GET3: variants seen among roughly 807,000 people sequenced by gnomAD.
GET3 encodes the protein guided entry of tail-anchored proteins factor 3, ATPase.
GET3 carries 15 observed loss-of-function variants against 32.4 expected under a neutral mutation model. That is an observed-to-expected ratio of 0.46 (90% confidence interval 0.31 to 0.71). The LOEUF (loss-of-function observed/expected upper bound fraction) is 0.71. Among genes scored for constraint, GET3 ranks in the 30% least tolerant of loss-of-function variants. The probability of loss-of-function intolerance (pLI) is 0.05; values close to 1 mark genes in which losing one functional copy is unlikely to be tolerated. For missense variants in GET3, 333 were observed against 459.0 expected, an observed-to-expected ratio of 0.73 and a Z score of 2.51; for synonymous variants, 198 against 185.6, an observed-to-expected ratio of 1.07 and a Z score of -0.54.
At chr19:12,740,320 G>A (rs1350728593) in intron 2 of GET3, among the ~76,000 whole-genome samples, 4 of 152,128 alleles carry the variant, frequency 2.6e-5, no homozygotes, top group African/African-American at 7.2e-5. Flanking sequence ...GGCGGAGCTT[G>A]CAGTGAGCTG....
Position 12,747,112 on chromosome 19 carries a change from G to T in GET3, c.610-85G>T. 9.0e-7 allele frequency: 1 copy of T among 1,108,738 alleles called. No individual in the cohort carries two copies. The highest frequency in any genetic ancestry group is 1.5e-5 in the South Asian group (1 of 65,636). 68.7% of individuals were successfully genotyped at this position (1,108,738 alleles called of 1,614,324 possible). On this transcript the variant is annotated intron_variant, in intron 4 of 6. Transcript: ENST00000357332. This position sits in a 1 kb window ranked among gnomAD's most constrained non-coding sequence, Gnocchi z 4.0. Reference sequence around the variant, plus strand: ...GCCTTTAACCACTGGGAGGTATCAGGAGTCATCCCTCGGGTGTTTAGTGAA... The same window carrying T: ...GCCTTTAACCACTGGGAGGTATCAGTAGTCATCCCTCGGGTGTTTAGTGAA...
intron 2 of GET3, among the ~76,000 whole-genome samples, chr19:12,742,622 A>T (rs542112035): frequency 2.0e-5 from 3 of 151,596 alleles, no homozygotes; most frequent in Non-Finnish European, 4.4e-5. Context: ...CACCATGTTA[A>T]CCAGGATGGT....
At chr19:12,737,148 G>A (rs1333510069), upstream of GET3, 1 of 176,904 alleles carries the variant, frequency 5.7e-6, no homozygotes, top group East Asian at 1.5e-4. Flanking sequence ...TGTTTGGCTG[G>A]TTGCTAAGGT....
chr19:12,739,831 G>C (rs1410878116), intron 2 of GET3, among the ~76,000 whole-genome samples: 1 of 151,788 alleles, frequency 6.6e-6, no homozygotes, highest in African/African-American at 2.4e-5. Context: ...ATCACTTGAG[G>C]TCAAGAGTTT....
In GET3 at chr19:12,747,776, C is replaced by T. The variant is rs1967802076; in HGVS notation, c.915+184C>T. The stretch of plus-strand genomic sequence containing the variant: ...CTGGCCTGGCCTAGGTCCCTGTGAC[C>T]CTGGAGAGCAGGGGGTCTAGCCCAG... On this transcript the variant is annotated intron_variant, in intron 6 of 6. Coordinates refer to ENST00000357332, the MANE Select transcript of GET3 (RefSeq NM_004317.4). The surrounding 1 kb of genome is among the most constrained non-coding windows in gnomAD (Gnocchi z 4.0). Among the ~76,000 whole-genome samples the T allele has an allele frequency of 6.6e-6, 1 of 152,128 alleles. No homozygotes were observed. The highest frequency in any genetic ancestry group is 2.4e-5 in the African/African-American group (1 of 41,402).
At position 12,747,903 on chromosome 19, in the gene GET3, A is replaced by G. The variant is rs931936834; in HGVS notation, c.916-70A>G. 56 of 1,471,174 alleles carry G rather than the reference A, an allele frequency of 3.8e-5. No individual in the cohort carries two copies. The highest frequency in any genetic ancestry group is 2.8e-5 in the African/African-American group (2 of 70,958). 91.1% of individuals were successfully genotyped at this position (1,471,174 alleles called of 1,614,324 possible). ...GAAGCTTTCTAGCTTTACCGCTTCT[A>G]TTGATCCACACTCTGTCTCTGCCTT... On this transcript the variant is annotated intron_variant, in intron 6 of 6. Coordinates refer to ENST00000357332, the MANE Select transcript of GET3 (RefSeq NM_004317.4). The surrounding 1 kb of genome is among the most constrained non-coding windows in gnomAD (Gnocchi z 4.0).
rs1411843811 is a variant in GET3, at chr19:12,745,973, C to T, written c.609+214C>T. ...GCCCCTGCCCGCTAAATACCCTAGA[C>T]AGAGCCAGAAAGCACATTCCAGAAC... On this transcript the variant is annotated intron_variant, in intron 4 of 6. Transcript: ENST00000357332. This position sits in a 1 kb window ranked among gnomAD's most constrained non-coding sequence, Gnocchi z 5.0. Among the ~76,000 whole-genome samples, 5 of 152,206 alleles carry T rather than the reference C, an allele frequency of 3.3e-5. No individual in the cohort carries two copies. Among genetic ancestry groups the T allele is most frequent in the Admixed American group, 1.3e-4 (2 of 15,282 alleles).
chr19:12,737,502 C>G lies in GET3; in HGVS notation c.-4C>G. The G allele has an allele frequency of 6.5e-7, 1 of 1,536,704 alleles. No individual in the cohort carries two copies. Among genetic ancestry groups the G allele is most frequent in the Non-Finnish European group, 8.7e-7 (1 of 1,143,372 alleles). On this transcript the variant is annotated 5_prime_UTR_variant, in exon 1 of 7. Coordinates refer to ENST00000357332, the MANE Select transcript of GET3 (RefSeq NM_004317.4). The stretch of plus-strand genomic sequence containing the variant: ...TCCGCTGGATCACGTGAGCCAGTTC[C>G]AAAATGGCGGCAGGGGTGGCCGGGT...
In GET3 at chr19:12,738,759, C is replaced by T. The variant is rs2145684672; in HGVS notation, c.309+101C>T. 6.9e-6 allele frequency: 10 copies of T among 1,441,644 alleles called. No homozygotes were observed. The South Asian group carries it at 1.0e-4, about 15-fold the overall frequency. The allele number at this position is 1,441,644 out of a possible 1,614,324, so 89.3% of individuals were successfully genotyped here. On this transcript the variant is annotated intron_variant, in intron 2 of 6. Coordinates refer to ENST00000357332, the MANE Select transcript of GET3 (RefSeq NM_004317.4). ...CCACCGTGTCCTATCCACTCTATAT[C>T]CTGTGTCTCTCGTGTTTCACTCCTT...
chr19:12,742,725 T>G (rs905170786), intron 2 of GET3, among the ~76,000 whole-genome samples: 1 of 152,138 alleles, frequency 6.6e-6, no homozygotes, highest in African/African-American at 2.4e-5. Flanking sequence ...GTATTTTTTT[T>G]TAGTAGAGAC....
In GET3 at chr19:12,745,216, TC is replaced by T. The variant is rs1340361239; in HGVS notation, c.310-155del. 1.3e-5 allele frequency among the ~76,000 whole-genome samples: 2 copies of T among 151,280 alleles called. No individual in the cohort carries two copies. The highest frequency in any genetic ancestry group is 2.9e-5 in the Non-Finnish European group (2 of 67,844). ...CAAAACCCTAAGTACTACCTCAGGGTCCCCCCAGCCGTGACCTAATGAAATG... is the reference window on the plus strand; with the variant it reads ...CAAAACCCTAAGTACTACCTCAGGGTCCCCCAGCCGTGACCTAATGAAATG... On this transcript the variant is annotated intron_variant, in intron 2 of 6. Coordinates refer to ENST00000357332, the MANE Select transcript of GET3 (RefSeq NM_004317.4). The surrounding 1 kb of genome is among the most constrained non-coding windows in gnomAD (Gnocchi z 5.0).
intron 2 of GET3, among the ~76,000 whole-genome samples, chr19:12,742,805 C>G (rs1967694590): frequency 6.6e-6 from 1 of 152,146 alleles, no homozygotes; most frequent in East Asian, 1.9e-4. Context: ...GCTTGGCTTC[C>G]TAATACACTG....
intron 2 of GET3, among the ~76,000 whole-genome samples, chr19:12,739,023 T>G (rs1683795051): frequency 1.3e-5 from 2 of 152,034 alleles, no homozygotes; most frequent in African/African-American, 2.4e-5. Flanking sequence ...AAAAGTACCC[T>G]TTGACGGCCA....
At chr19:12,741,935 A>G (rs1209075371) in intron 2 of GET3, among the ~76,000 whole-genome samples, 2 of 152,144 alleles carry the variant, frequency 1.3e-5, no homozygotes, top group Admixed American at 1.3e-4. Context: ...GGTGAGGAGC[A>G]AGATGGGAAT....
chr19:12,745,586 G>A lies in GET3; in HGVS notation c.459-23G>A, dbSNP rs1328359153. The A allele has an allele frequency of 6.2e-7, 1 of 1,612,404 alleles. No homozygotes were observed. The highest frequency in any genetic ancestry group is 8.5e-7 in the Non-Finnish European group (1 of 1,179,974). On this transcript the variant is annotated intron_variant, in intron 3 of 6. Coordinates refer to ENST00000357332, the MANE Select transcript of GET3 (RefSeq NM_004317.4). This position sits in a 1 kb window ranked among gnomAD's most constrained non-coding sequence, Gnocchi z 5.0. ...GGAAGGGGAAGAGCGGACACAGAGG[G>A]CCTGACCCCTGTCTCCCCTCAGGCT... is the stretch of plus-strand genomic sequence containing the variant.
upstream of GET3, chr19:12,737,439 A>G (rs978129280): frequency 7.2e-7 from 1 of 1,395,028 alleles, no homozygotes; most frequent in Non-Finnish European, 9.3e-7. Context: ...TAGGAATGTG[A>G]TAGAGAATTT....
chr19:12,740,563 G>T (rs1023490929), intron 2 of GET3, among the ~76,000 whole-genome samples: 2 of 151,876 alleles, frequency 1.3e-5, no homozygotes, highest in African/African-American at 4.8e-5. Flanking sequence ...TGTAGTCCCA[G>T]CTACTCCGGA....
At position 12,745,865 on chromosome 19, in the gene GET3, A is replaced by G; in HGVS notation, c.609+106A>G. 1 of 1,373,674 alleles carries G rather than the reference A, an allele frequency of 7.3e-7. No individual in the cohort carries two copies. The allele number at this position is 1,373,674 out of a possible 1,614,324, so 85.1% of individuals were successfully genotyped here. A position where few individuals can be genotyped will look rare whatever the true frequency, so the allele number is the denominator to read the frequency against. ...GCACTAACAATTCCCTTTCCTTCCCACCCCTTCTCACTCTGGACTTCTCCC... is the reference window on the plus strand; with the variant it reads ...GCACTAACAATTCCCTTTCCTTCCCGCCCCTTCTCACTCTGGACTTCTCCC... On this transcript the variant is annotated intron_variant, in intron 4 of 6. Transcript: ENST00000357332. The surrounding 1 kb of genome is among the most constrained non-coding windows in gnomAD (Gnocchi z 5.0).
rs1967612023 is a variant in GET3, at chr19:12,738,508, C to T, written c.162-3C>T. 6.2e-7 allele frequency: 1 copy of T among 1,614,026 alleles called. No individual in the cohort carries two copies. The highest frequency in any genetic ancestry group is 8.5e-7 in the Non-Finnish European group (1 of 1,179,998). On this transcript the variant is annotated splice_region_variant and splice_polypyrimidine_tract_variant and intron_variant, in intron 1 of 6. Transcript: ENST00000357332. ...CCTATCTTTTGACTTTTCCATTACT[C>T]AGCTGCAGCCTGGCAGTCCAGCTCT...
Sources: gnomAD v4.1 joint callset for allele counts (sites outside exome capture counted in the v4.1 genomes callset) on GRCh38, gnomAD v4.1.1 for gene constraint, Gnocchi (gnomAD v3.1) non-coding constraint, MANE v1.5 for transcripts, NCBI Gene and HGNC (gene_info 2026-07-23, HGNC 2026-07-21) for gene names.